Variants in PWWP3A observed in about 807,000 individuals in gnomAD.
PWWP3A encodes the protein PWWP domain-containing DNA repair factor 3A.
PWWP3A carries 53 observed loss-of-function variants against 79.0 expected under a neutral mutation model. That is an observed-to-expected ratio of 0.67 (90% confidence interval 0.54 to 0.84). The LOEUF is 0.84. PWWP3A is among the 40% of genes least tolerant of loss of function. The pLI, the probability that PWWP3A is intolerant of heterozygous loss-of-function variation, is 0.00. For missense variants in PWWP3A, 973 were observed against 948.0 expected (o/e 1.03, Z -0.35); for synonymous variants, 443 against 394.4 (o/e 1.12, Z -1.46).
chr19:1,364,641 C>T (rs2144726583), intron 7 of PWWP3A, 62 bp downstream of exon 7: 2 of 1,219,198 alleles, frequency 1.6e-6, no homozygotes, highest in African/African-American at 1.5e-5. Flanking sequence ...ATTTTTATTC[C>T]ATCCATCTTT....
chr19:1,357,766 T>C (rs2081913060), intron 3 of PWWP3A: 2 of 152,144 alleles, frequency 1.3e-5, no homozygotes, highest in African/African-American at 4.9e-5. Flanking sequence ...CCCCGGTCAG[T>C]CCTGCGTGAT....
chr19:1,359,965 C>T, intron 4 of PWWP3A, 171 bp from the exon 5 acceptor site: 1 of 633,828 alleles, frequency 1.6e-6, no homozygotes, highest in East Asian at 3.2e-5. Flanking sequence ...CGTTCTGTAG[C>T]CTCGTCTCCT....
rs2082409669 is a variant in PWWP3A at position 1,376,643 on chromosome 19, T to C, written c.*67T>C. On this transcript the variant is annotated 3_prime_UTR_variant, in exon 14 of 14. Coordinates refer to ENST00000591337, the MANE Select transcript of PWWP3A (RefSeq NM_001369789.1). ...AGCGCCTCCAGTGTGCATGAGCGTG[T>C]CTGAAGATGGGGGGCTCAGGGGGCA... 2.0e-6 allele frequency: 3 copies of C among 1,531,110 alleles called. No homozygotes were observed. In the South Asian group the frequency reaches 3.4e-5, roughly 17 times the overall value. The allele number at this position is 1,531,110 out of a possible 1,614,324, so 94.8% of individuals were successfully genotyped here. A position where few individuals can be genotyped will look rare whatever the true frequency, so the allele number is the denominator to read the frequency against.
Position 1,368,386 on chromosome 19 carries a change from T to C in PWWP3A, c.1423-879T>C, listed in dbSNP as rs2082173579. ...TTCCTAAGAGTGCGCTCACATCTGC[T>C]TGTGAGTCAGGTATGTGGTGGTCCC... On this transcript the variant is annotated intron_variant, in intron 9 of 13. Transcript: ENST00000591337. The surrounding 1 kb of genome is among the most constrained non-coding windows in gnomAD (Gnocchi z 4.7). Among the ~76,000 whole-genome samples the C allele has an allele frequency of 6.6e-6, 1 of 152,130 alleles. No homozygotes were observed. The highest frequency in any genetic ancestry group is 2.1e-4 in the South Asian group (1 of 4,824).
intron 12 of PWWP3A, 25 bp downstream of exon 12, chr19:1,371,103 G>C (rs192296009): frequency 1.9e-6 from 3 of 1,546,062 alleles, no homozygotes; most frequent in East Asian, 4.9e-5. Flanking sequence ...GGCGTGTCAC[G>C]TGGGCAGGGA....
At chr19:1,363,491 C>T (rs940841751) in intron 6 of PWWP3A, among the ~76,000 whole-genome samples, 3 of 152,308 alleles carry the variant, frequency 2.0e-5, no homozygotes, top group Non-Finnish European at 4.4e-5. Flanking sequence ...TTCGCACACA[C>T]GAAGAGCACA....
At chr19:1,357,276 T>C (rs1414014647) in intron 3 of PWWP3A, 182 bp downstream of exon 3, 1 of 542,078 alleles carries the variant, frequency 1.8e-6, no homozygotes, top group Non-Finnish European at 3.3e-6. Flanking sequence ...TTTATGTCAG[T>C]TTGGAAGCTG....
Position 1,360,160 on chromosome 19 carries a change from C to A in PWWP3A, c.239C>A (p.Ala80Glu). The change falls in exon 5 of 14, where the codon GCA becomes GAA. Residue 80 changes from alanine to glutamate, a missense_variant. Transcript: ENST00000591337. The surrounding 1 kb of genome is among the most constrained non-coding windows in gnomAD (Gnocchi z 4.4). ...GCCTCACAGAATGAGGTTCCTGCGG[C>A]ACCCCTGGAAGAACTGGCCTACAGA... ...SLASQNEVPA[A>E]PLEELAYRRS... 1 of 1,570,186 alleles carries A rather than the reference C, an allele frequency of 6.4e-7. No homozygotes were observed. The highest frequency in any genetic ancestry group is 8.6e-7 in the Non-Finnish European group (1 of 1,160,038).
In PWWP3A at chr19:1,366,316, C is replaced by T. The variant is rs2082127177; in HGVS notation, c.1296C>T (p.Val432=). ...GGATTTGTGAACAGGTCAAAAGCGT[C>T]AGGCAGAGAGATAAGAAAGCAAGTG... is the stretch of plus-strand genomic sequence containing the variant. ...YPFWPAVVKS[V]RQRDKKASVL... The change falls in exon 8 of 14, where the codon GTC becomes GTT. Residue 432 remains valine (V), a synonymous_variant. Transcript: ENST00000591337. The T allele has an allele frequency of 1.2e-6, 2 of 1,614,152 alleles. No individual in the cohort carries two copies. The highest frequency in any genetic ancestry group is 2.2e-5 in the South Asian group (2 of 91,086).
Position 1,371,035 on chromosome 19 carries a change from A to T in PWWP3A, c.1943A>T (p.Asn648Ile). Reference sequence around the variant, plus strand: ...GGGGCCAAGGTGCTCCAGCGCACCAACGGCGACCGGATCCGGTTCATTCTG... The same window carrying T: ...GGGGCCAAGGTGCTCCAGCGCACCATCGGCGACCGGATCCGGTTCATTCTG... Reference protein sequence around the residue: ...EVGAKVLQRTNGDRIRFILDV... With the variant: ...EVGAKVLQRTIGDRIRFILDV... The change falls in exon 12 of 14, where the codon AAC becomes ATC. Residue 648 changes from asparagine (N) to isoleucine (I), a missense_variant. By Grantham distance (149) the Asn-to-Ile change is moderately radical (BLOSUM62 -3). Transcript: ENST00000591337. 1 of 1,574,130 alleles carries T rather than the reference A, an allele frequency of 6.4e-7. No individual in the cohort carries two copies.
Position 1,364,514 on chromosome 19 carries a change from C to G in PWWP3A, c.1219C>G (p.Arg407Gly), listed in dbSNP as rs777172001. ...TCTTTTTTCTTTAATTCTAGAACCA[C>G]GTTCGTTTGAAGTAGGAATGCTAGT... ...PPRVLLYHEP[R>G]SFEVGMLVWH... is the part of the protein sequence containing the mutation. The change falls in exon 7 of 14, where the codon CGT becomes GGT. Residue 407 changes from arginine (R) to glycine (G), a missense_variant. Arg to Gly is a moderately radical substitution (Grantham distance 125). Transcript: ENST00000591337. 21 of 1,597,612 alleles carry G rather than the reference C, an allele frequency of 1.3e-5. No homozygotes were observed. In the African/African-American group the frequency reaches 2.6e-4, roughly 20 times the overall value.
intron 6 of PWWP3A, chr19:1,364,074 T>C (rs2082076593): frequency 6.2e-6 from 3 of 483,968 alleles, no homozygotes; most frequent in South Asian, 3.0e-5. Context: ...GAATCCTCTT[T>C]AGAATCTCAG....
intron 6 of PWWP3A, 150 bp downstream of exon 6, chr19:1,362,501 C>T: frequency 1.6e-6 from 1 of 625,518 alleles, no homozygotes; most frequent in Non-Finnish European, 2.8e-6. Context: ...AAGGGACCTT[C>T]AGAAGTGTCA....
chr19:1,358,682 A>G lies in PWWP3A; in HGVS notation c.214+218A>G, dbSNP rs549038279. 1.4e-5 allele frequency: 21 copies of G among 1,524,186 alleles called. No homozygotes were observed. The African/African-American group carries it at 2.1e-4, about 15-fold the overall frequency. 94.4% of individuals were successfully genotyped at this position (1,524,186 alleles called of 1,614,324 possible). On this transcript the variant is annotated intron_variant, in intron 4 of 13. Transcript: ENST00000591337. ...GCCCCTAGAACCACTCCTATTCTTG[A>G]CGCCCAGAATGGTCAGTGGTGAGCA...
chr19:1,367,153 C>A lies in PWWP3A; in HGVS notation c.1362-7C>A, dbSNP rs751651439. 6.2e-6 allele frequency: 10 copies of A among 1,610,080 alleles called. No individual in the cohort carries two copies. Among genetic ancestry groups the A allele is most frequent in the Non-Finnish European group, 8.5e-6 (10 of 1,177,734 alleles). On this transcript the variant is annotated splice_polypyrimidine_tract_variant and splice_region_variant and intron_variant, in intron 8 of 13. Coordinates refer to ENST00000591337, the MANE Select transcript of PWWP3A (RefSeq NM_001369789.1). The stretch of plus-strand genomic sequence containing the variant: ...TCATGTTAACTTTTCCCTCTCTCTG[C>A]TTCAAGTTTCACAGTGTCTCTTAAA...
chr19:1,362,261 T>C lies in PWWP3A; in HGVS notation c.1123T>C (p.Ser375Pro), dbSNP rs1167534542. Residue 375 changes from serine to proline, a missense_variant, in exon 6 of 14, where the codon TCC (serine) becomes CCC (proline). Ser to Pro is a moderately conservative substitution (Grantham distance 74). Transcript: ENST00000591337. ...CACATTATTGGCAGAGTGCCAGTCT[T>C]CCGAAGAGTCCATGGGGTCTAATTC... ...SQKLEKECQS[S>P]EESMGSNSMR... 2.5e-6 allele frequency: 4 copies of C among 1,612,646 alleles called. No homozygotes were observed. The highest frequency in any genetic ancestry group is 3.4e-6 in the Non-Finnish European group (4 of 1,179,544).
At position 1,369,175 on chromosome 19, in the gene PWWP3A, C is replaced by G; in HGVS notation, c.1423-90C>G. ...GCTGGAGCGTGAGCAGCCTGGACAC[C>G]TGGCTGGTCCCTGGGCTCTGCGTGG... is the stretch of plus-strand genomic sequence containing the variant. On this transcript the variant is annotated intron_variant, in intron 9 of 13. Coordinates refer to ENST00000591337, the MANE Select transcript of PWWP3A (RefSeq NM_001369789.1). This position sits in a 1 kb window ranked among gnomAD's most constrained non-coding sequence, Gnocchi z 4.0. 2.4e-6 allele frequency: 3 copies of G among 1,233,918 alleles called. No individual in the cohort carries two copies. The Admixed American group carries it at 5.5e-5, about 23-fold the overall frequency. The allele number at this position is 1,233,918 out of a possible 1,614,324, so 76.4% of individuals were successfully genotyped here.
intron 11 of PWWP3A, among the ~76,000 whole-genome samples, chr19:1,370,319 G>A (rs962896829): frequency 6.6e-6 from 1 of 152,214 alleles, no homozygotes; most frequent in East Asian, 1.9e-4. Context: ...GACAGTAGTG[G>A]AGTTTTCCAT....
chr19:1,368,661 C>CT lies in PWWP3A; in HGVS notation c.1423-603dup, dbSNP rs2144742604. On this transcript the variant is annotated intron_variant, in intron 9 of 13. Coordinates refer to ENST00000591337, the MANE Select transcript of PWWP3A (RefSeq NM_001369789.1). This position sits in a 1 kb window ranked among gnomAD's most constrained non-coding sequence, Gnocchi z 4.7. ...CTGTGTCCTTTTCTGGGGACCCACC[C>CT]TGCTGCCAGCCCAGGTGCTGTTAGA... 6.6e-6 allele frequency among the ~76,000 whole-genome samples: 1 copy of CT among 152,362 alleles called. No individual in the cohort carries two copies. Among genetic ancestry groups the CT allele is most frequent in the East Asian group, 1.9e-4 (1 of 5,184 alleles).
Sources: gnomAD v4.1 joint callset for allele counts (sites outside exome capture counted in the v4.1 genomes callset) on GRCh38, gnomAD v4.1.1 for gene constraint, Gnocchi (gnomAD v3.1) non-coding constraint, MANE v1.5 for transcripts, NCBI Gene and HGNC (gene_info 2026-07-23, HGNC 2026-07-21) for gene names.